TDG: variants seen among roughly 807,000 people sequenced by gnomAD.
TDG encodes thymine DNA glycosylase, also known as G/T mismatch-specific thymine DNA glycosylase.
Under a neutral mutation model 46.1 loss-of-function variants are expected in TDG, and 23 were observed. The observed-to-expected ratio is 0.50, with a 90% CI of 0.36 to 0.71. TDG has a LOEUF of 0.71. TDG is among the 30% of genes least tolerant of loss of function. TDG has a pLI of 0.00. For synonymous variants in TDG, 115 were observed against 161.3 expected, an observed-to-expected ratio of 0.71 and a Z score of 2.18; for missense variants, 304 against 486.7, an observed-to-expected ratio of 0.62 and a Z score of 3.53.
Position 103,982,823 on chromosome 12 carries a change from T to A in TDG, c.503T>A (p.Leu168His). The change falls in exon 5 of 10, where the codon CTC becomes CAC. Residue 168 changes from leucine to histidine, a missense_variant. Physicochemically the swap from Leu to His is moderately conservative, Grantham distance 99. Coordinates refer to ENST00000392872, the MANE Select transcript of TDG (RefSeq NM_003211.6). ...HFWKCLFMSG[L>H]SEVQLNHMDD... ...GGGAAGTGTTTGTTTATGTCAGGGC[T>A]CAGTGAGGTCCAGCTGAACCATATG... The A allele has an allele frequency of 6.2e-7, 1 of 1,613,480 alleles. No homozygotes were observed. The highest frequency in any genetic ancestry group is 2.2e-5 in the East Asian group (1 of 44,886).
chr12:103,983,335 G>A lies in TDG; in HGVS notation c.738G>A (p.Lys246=). Residue 246 remains lysine, a synonymous_variant, in exon 7 of 10, where the codon AAG becomes AAA. Coordinates refer to ENST00000392872, the MANE Select transcript of TDG (RefSeq NM_003211.6). ...TTAGTAAAGAAGTTTTTGGAGTAAA[G>A]GTTAAGAACTTGGAATTTGGGCTTC... ...EIFSKEVFGV[K]VKNLEFGLQP... is the part of the protein sequence containing the mutation. 1 of 1,597,506 alleles carries A rather than the reference G, an allele frequency of 6.3e-7. No individual in the cohort carries two copies. The highest frequency in any genetic ancestry group is 8.5e-7 in the Non-Finnish European group (1 of 1,174,970).
At chr12:103,972,301 T>C (rs1234779060) in intron 1 of TDG, among the ~76,000 whole-genome samples, 1 of 152,192 alleles carries the variant, frequency 6.6e-6, no homozygotes, top group African/African-American at 2.4e-5. Flanking sequence ...GTATTTTTAG[T>C]AGAGATGGGG....
intron 3 of TDG, chr12:103,980,514 A>AGATCTC: frequency 4.4e-6 from 1 of 229,676 alleles, no homozygotes. Context: ...ACAATTGTGT[A>AGATCTC]GGTGATGTGG....
At chr12:103,985,874 G>T in intron 9 of TDG, 146 bp downstream of exon 9, 3 of 927,126 alleles carry the variant, frequency 3.2e-6, no homozygotes, top group East Asian at 3.0e-5. Context: ...AAAAATTGAT[G>T]GTTATTTCAC....
In TDG at chr12:103,980,001, G is replaced by C; in HGVS notation, c.337G>C (p.Gly113Arg). The C allele has an allele frequency of 3.1e-6, 5 of 1,613,904 alleles. No homozygotes were observed. Among genetic ancestry groups the C allele is most frequent in the Non-Finnish European group, 4.2e-6 (5 of 1,180,040 alleles). Reference protein sequence around the residue: ...KVKRKVDRFNGVSEAELLTKT... With the variant: ...KVKRKVDRFNRVSEAELLTKT... ...AAAAAGAAAAGTAGACCGTTTTAAT[G>C]GTGTTTCAGAAGCTGAACTTCTGAC... Residue 113 changes from glycine (G) to arginine (R), a missense_variant, in exon 3 of 10, where the codon GGT becomes CGT. Transcript: ENST00000392872.
rs201781303 is a variant in TDG at position 103,987,510 on chromosome 12, GTTGATTT to G, written c.*424_*430del. 0.031 allele frequency: 4,897 copies of G among 155,944 alleles called. 2 individuals carry two copies. The highest frequency in any genetic ancestry group is 0.12 in the African/African-American group (4,657 of 40,286). 9.7% of individuals were successfully genotyped at this position (155,944 alleles called of 1,614,324 possible). On this transcript the variant is annotated 3_prime_UTR_variant, in exon 10 of 10. Transcript: ENST00000392872. ...TTACCACTGTCAAAGAGGCAAAGGTGTTGATTTTTGTATATGAAGTTAAGCCTCAGTG... is the reference window on the plus strand; with the variant it reads ...TTACCACTGTCAAAGAGGCAAAGGTGTTGTATATGAAGTTAAGCCTCAGTG...
Position 103,982,811 on chromosome 12 carries a change from T to C in TDG, c.491T>C (p.Phe164Ser). 6.2e-7 allele frequency: 1 copy of C among 1,612,982 alleles called. No homozygotes were observed. Among genetic ancestry groups the C allele is most frequent in the Non-Finnish European group, 8.5e-7 (1 of 1,179,898 alleles). ...GPGNHFWKCL[F>S]MSGLSEVQLN... The stretch of plus-strand genomic sequence containing the variant: ...TTTCATTTTACAGGGAAGTGTTTGT[T>C]TATGTCAGGGCTCAGTGAGGTCCAG... Residue 164 changes from phenylalanine (F) to serine (S), a missense_variant, in exon 5 of 10, where the codon TTT (phenylalanine) becomes TCT (serine). Phe to Ser is a radical substitution (Grantham distance 155). Transcript: ENST00000392872.
At chr12:103,969,681 T>C (rs1303613720) in intron 1 of TDG, among the ~76,000 whole-genome samples, 1 of 151,974 alleles carries the variant, frequency 6.6e-6, no homozygotes, top group Non-Finnish European at 1.5e-5. Flanking sequence ...AGTGATAAAG[T>C]GTGGAATGAG....
intron 3 of TDG, chr12:103,980,284 C>G: frequency 1.7e-6 from 1 of 596,814 alleles, no homozygotes; most frequent in Non-Finnish European, 2.8e-6. Context: ...AATCCTGTCA[C>G]AAGTATAATC....
At chr12:103,981,738 G>C (rs1871846563) in intron 4 of TDG, among the ~76,000 whole-genome samples, 1 of 152,102 alleles carries the variant, frequency 6.6e-6, no homozygotes, top group South Asian at 2.1e-4. Flanking sequence ...GGCTGGATCT[G>C]GTGGCTCACA....
At chr12:103,966,186 T>C in intron 1 of TDG, 126 bp downstream of exon 1, 1 of 1,276,130 alleles carries the variant, frequency 7.8e-7, no homozygotes, top group South Asian at 1.6e-5. Context: ...GGGCCGCGCG[T>C]GCGCACTGTG....
At chr12:103,977,757 GACA>G (rs1407485837) in intron 2 of TDG, among the ~76,000 whole-genome samples, 1 of 152,190 alleles carries the variant, frequency 6.6e-6, no homozygotes, top group African/African-American at 2.4e-5. Context: ...TTGGTTGGTA[GACA>G]ACAAGTCGGA....
At chr12:103,970,789 G>T (rs948667998) in intron 1 of TDG, among the ~76,000 whole-genome samples, 3 of 151,946 alleles carry the variant, frequency 2.0e-5, no homozygotes, top group African/African-American at 7.3e-5. Context: ...TAGCAAATCT[G>T]AATTAACTGG....
chr12:103,980,265 C>A, intron 3 of TDG, 193 bp downstream of exon 3: 1 of 677,822 alleles, frequency 1.5e-6, no homozygotes, highest in Non-Finnish European at 2.4e-6. Flanking sequence ...TTTAGACTGT[C>A]TGGGTTCAAA....
Position 103,967,854 on chromosome 12 carries a change from A to G in TDG, c.23+1794A>G, listed in dbSNP as rs1293043498. The G allele has an allele frequency of 2.5e-5, 3 of 118,098 alleles. No individual in the cohort carries two copies. The Admixed American group carries it at 2.8e-4, about 11-fold the overall frequency. 7.3% of individuals were successfully genotyped at this position (118,098 alleles called of 1,614,324 possible). A position where few individuals can be genotyped will look rare whatever the true frequency, so the allele number is the denominator to read the frequency against. ...TTGTTTTTTTTTTTTTTTGAGACAG[A>G]GTTTCACTCTGTTGCCCAAGATGGA... On this transcript the variant is annotated intron_variant, in intron 1 of 9. Transcript: ENST00000392872.
intron 1 of TDG, among the ~76,000 whole-genome samples, chr12:103,974,889 GGC>G (rs1233209658): frequency 4.6e-5 from 7 of 151,204 alleles, no homozygotes; most frequent in Admixed American, 4.6e-4. Flanking sequence ...GCAGGAGAAT[GGC>G]GTGAACCCGG....
At chr12:103,971,732 C>T (rs1871291691) in intron 1 of TDG, among the ~76,000 whole-genome samples, 1 of 152,018 alleles carries the variant, frequency 6.6e-6, no homozygotes. Context: ...GAAAAGTGAA[C>T]GAAGAGAAAT....
intron 8 of TDG, 29 bp downstream of exon 8, chr12:103,984,949 C>G: frequency 6.6e-7 from 1 of 1,510,680 alleles, no homozygotes; most frequent in South Asian, 1.3e-5. Context: ...TCCTTTTATT[C>G]ATTTTGTGTG....
chr12:103,968,264 C>A (rs946432544), intron 1 of TDG, among the ~76,000 whole-genome samples: 24 of 151,980 alleles, frequency 1.6e-4, no homozygotes, highest in African/African-American at 5.8e-4. Context: ...AGACATTTAC[C>A]GAAGATGGAA....
Sources: allele counts gnomAD v4.1 joint callset (sites outside exome capture counted in the v4.1 genomes callset), GRCh38; gene constraint gnomAD v4.1.1; transcripts MANE v1.5; gene names NCBI Gene and HGNC (gene_info 2026-07-23, HGNC 2026-07-21).